SBF2: variants seen among roughly 807,000 people sequenced by gnomAD.
SBF2 encodes the protein myotubularin-related protein 13.
A neutral mutation model predicts 225.2 loss-of-function variants in SBF2; 112 were observed. The ratio of observed to expected loss-of-function variants is 0.50; its 90% CI spans 0.43 to 0.58. The LOEUF is 0.58. SBF2 is among the 20% of genes least tolerant of loss of function. SBF2 has a pLI of 0.00. For missense variants in SBF2, 1,996 were observed against 2,206.2 expected (o/e 0.90, Z 1.91); for synonymous variants, 763 against 773.3 (o/e 0.99, Z 0.22).
At chr11:10,093,259 C>T (rs1055533801) in intron 2 of SBF2, among the ~76,000 whole-genome samples, 1 of 151,944 alleles carries the variant, frequency 6.6e-6, no homozygotes, top group Non-Finnish European at 1.5e-5. Flanking sequence ...AAGTGATCCA[C>T]CAGCCTCAGC....
At chr11:10,254,608 T>TAAA (rs577267923) in intron 1 of SBF2, among the ~76,000 whole-genome samples, 1 of 142,986 alleles carries the variant, frequency 7.0e-6, no homozygotes. Flanking sequence ...ATTCAGCCTT[T>TAAA]AAAAAAAAAA....
intron 16 of SBF2, among the ~76,000 whole-genome samples, chr11:9,920,273 T>A (rs906458639): frequency 6.6e-6 from 1 of 151,800 alleles, no homozygotes; most frequent in Non-Finnish European, 1.5e-5. Flanking sequence ...ATTTTTGGCA[T>A]GGAAAAACAG....
intron 17 of SBF2, among the ~76,000 whole-genome samples, chr11:9,871,907 G>A (rs937962090): frequency 1.3e-5 from 2 of 152,176 alleles, no homozygotes; most frequent in Admixed American, 1.3e-4. Flanking sequence ...GGAAGACAGT[G>A]TGGTGATTCC....
At chr11:10,285,381 C>T (rs1268295449) in intron 1 of SBF2, among the ~76,000 whole-genome samples, 1 of 150,958 alleles carries the variant, frequency 6.6e-6, no homozygotes, top group Non-Finnish European at 1.5e-5. Context: ...GAGGGACAGA[C>T]TTTCTAGAAT....
chr11:9,989,600 G>A lies in SBF2; in HGVS notation c.1297-5C>T. On this transcript the variant is annotated splice_polypyrimidine_tract_variant and splice_region_variant and intron_variant, in intron 12 of 39. Transcript: ENST00000256190. Reference sequence around the variant, plus strand: ...CTCTACTTCAAAGGCTACCAACTAGGAAAAAGAATCAAATGGCAAAACATC... The same window carrying A: ...CTCTACTTCAAAGGCTACCAACTAGAAAAAAGAATCAAATGGCAAAACATC... 1 of 1,532,666 alleles carries A rather than the reference G, an allele frequency of 6.5e-7. No individual in the cohort carries two copies. Among genetic ancestry groups the A allele is most frequent in the Non-Finnish European group, 9.0e-7 (1 of 1,111,116 alleles). 94.9% of individuals were successfully genotyped at this position (1,532,666 alleles called of 1,614,324 possible).
chr11:9,864,754 G>A (rs1858047948), intron 17 of SBF2, among the ~76,000 whole-genome samples: 1 of 152,140 alleles, frequency 6.6e-6, no homozygotes, highest in Admixed American at 6.5e-5. Context: ...TAAATATTAA[G>A]AGTTCAGAGG....
At chr11:10,215,461 G>A (rs1424363354) in intron 1 of SBF2, among the ~76,000 whole-genome samples, 1 of 152,134 alleles carries the variant, frequency 6.6e-6, no homozygotes, top group Non-Finnish European at 1.5e-5. Flanking sequence ...TCATCTTGTA[G>A]GAACCTCTTT....
chr11:9,913,750 T>G (rs1421019859), intron 16 of SBF2, among the ~76,000 whole-genome samples: 1 of 152,194 alleles, frequency 6.6e-6, no homozygotes, highest in African/African-American at 2.4e-5. Flanking sequence ...TCCAGAGGTA[T>G]GGGCTCACCA....
chr11:9,846,323 A>G (rs1856546494), intron 23 of SBF2, among the ~76,000 whole-genome samples: 1 of 152,232 alleles, frequency 6.6e-6, no homozygotes, highest in Admixed American at 6.5e-5. Context: ...GAAAGAGGCA[A>G]GAACTGGCAT....
intron 2 of SBF2, among the ~76,000 whole-genome samples, chr11:10,131,120 A>C (rs759100748): frequency 1.8e-4 from 27 of 152,316 alleles, no homozygotes; most frequent in Admixed American, 9.8e-4. Flanking sequence ...TTTCCAGAGC[A>C]ACTATACTAT....
chr11:10,292,774 CTT>C lies in SBF2; in HGVS notation c.55+1239_55+1240del, dbSNP rs548351866. Among the ~76,000 whole-genome samples the C allele has an allele frequency of 2.6e-4, 40 of 151,998 alleles. No homozygotes were observed. The South Asian group carries it at 8.3e-3, about 32-fold the overall frequency. ...AAGGTTAAAAAACTGATTTCCCACA[CTT>C]AATCTTGATAGAAAAGAAACATCAG... On this transcript the variant is annotated intron_variant, in intron 1 of 39. Coordinates refer to ENST00000256190, the MANE Select transcript of SBF2 (RefSeq NM_030962.4).
chr11:10,093,686 T>C (rs1258854734), intron 2 of SBF2, among the ~76,000 whole-genome samples: 1 of 152,218 alleles, frequency 6.6e-6, no homozygotes, highest in Non-Finnish European at 1.5e-5. Context: ...CACTAAACTG[T>C]GATTGTTTCA....
intron 2 of SBF2, among the ~76,000 whole-genome samples, chr11:10,064,977 T>G (rs1361324087): frequency 6.6e-6 from 1 of 152,186 alleles, no homozygotes; most frequent in African/African-American, 2.4e-5. Context: ...TATGCATTCT[T>G]CTCAAGTACA....
chr11:9,789,382 A>C, intron 34 of SBF2, 40 bp from the exon 35 acceptor site: 1 of 1,495,448 alleles, frequency 6.7e-7, no homozygotes, highest in Non-Finnish European at 9.3e-7. Flanking sequence ...TCTTGACCCC[A>C]AAGTACCCCA....
chr11:10,091,756 T>G (rs984243046), intron 2 of SBF2, among the ~76,000 whole-genome samples: 3 of 152,192 alleles, frequency 2.0e-5, no homozygotes, highest in African/African-American at 7.2e-5. Context: ...GACAATTCTA[T>G]ACTTTCTAGG....
chr11:9,812,559 C>T lies in SBF2; in HGVS notation c.4128G>A (p.Ala1376=), dbSNP rs191964053. ...GTGGGAACCACTCAGAATCTCCCAG[C>T]GCTTTCAGGAAGGTCACTTCTGAGT... ...PTDSEVTFLK[A]LGDSEWFPQL... is the part of the protein sequence containing the mutation. Residue 1376 remains alanine (A), a synonymous_variant, in exon 30 of 40, where the codon GCG becomes GCA. Coordinates refer to ENST00000256190, the MANE Select transcript of SBF2 (RefSeq NM_030962.4). The T allele has an allele frequency of 1.9e-4, 311 of 1,614,192 alleles. 3 individuals carry two copies. In the East Asian group the frequency reaches 5.5e-3, roughly 29 times the overall value.
intron 2 of SBF2, among the ~76,000 whole-genome samples, chr11:10,175,239 C>T (rs200099744): frequency 0.072 from 10,868 of 151,252 alleles, 519 homozygotes; most frequent in East Asian, 0.27. Flanking sequence ...GAGTCAAGAC[C>T]CATCAGTGTT....
intron 1 of SBF2, among the ~76,000 whole-genome samples, chr11:10,265,333 A>G (rs145864763): frequency 1.3e-5 from 2 of 152,082 alleles, no homozygotes; most frequent in African/African-American, 4.8e-5. Context: ...TCTAATGACC[A>G]GTGATGATGA....
At position 9,992,411 on chromosome 11, in the gene SBF2, A is replaced by G. The variant is rs1947478870; in HGVS notation, c.1296+4T>C. ...ATAATGCCTTCATTTAATAAGAGCT[A>G]TACCTCATCAAAGAGATCACAAGAT... is the stretch of plus-strand genomic sequence containing the variant. On this transcript the variant is annotated splice_donor_region_variant and intron_variant, in intron 12 of 39. Coordinates refer to ENST00000256190, the MANE Select transcript of SBF2 (RefSeq NM_030962.4). 1.2e-6 allele frequency: 2 copies of G among 1,611,718 alleles called. No individual in the cohort carries two copies. The highest frequency in any genetic ancestry group is 1.7e-6 in the Non-Finnish European group (2 of 1,178,430).
Sources: allele counts gnomAD v4.1 joint callset (sites outside exome capture counted in the v4.1 genomes callset), GRCh38; gene constraint gnomAD v4.1.1; transcripts MANE v1.5; gene names NCBI Gene and HGNC (gene_info 2026-07-23, HGNC 2026-07-21).